PHF24: variants seen among roughly 807,000 people sequenced by gnomAD.
PHF24 encodes the protein Galpha inhibitory interacting protein.
In PHF24, 25 loss-of-function variants were observed where a neutral mutation model predicts 42.6. The ratio of observed to expected loss-of-function variants is 0.59; its 90% confidence interval spans 0.43 to 0.82. PHF24 has a LOEUF of 0.82. Ranked by LOEUF, PHF24 falls within the 40% of genes least tolerant of loss-of-function variation. The probability of loss-of-function intolerance (pLI) is 0.00; values close to 1 mark genes in which losing one functional copy is unlikely to be tolerated. For synonymous variants in PHF24, 185 were observed against 204.8 expected (o/e 0.90, Z 0.83); for missense variants, 470 against 538.1 (o/e 0.87, Z 1.25).
At chr9:34,838,240 A>T in the PHF24 span, 1 of 633,752 alleles carries the variant, frequency 1.6e-6, no homozygotes, top group African/African-American at 1.8e-5. Context: ...AAGGTATGGC[A>T]TAAAAATTGG....
At chr9:34,857,971 G>GT in the PHF24 span, among the ~76,000 whole-genome samples, 131 of 109,780 alleles carry the variant, frequency 1.2e-3, no homozygotes, top group African/African-American at 5.0e-3. Flanking sequence ...TTGTTTCTCT[G>GT]GTTTTTTTTT....
At chr9:34,855,210 G>A in the PHF24 span, among the ~76,000 whole-genome samples, 1 of 152,034 alleles carries the variant, frequency 6.6e-6, no homozygotes, top group Admixed American at 6.6e-5. Flanking sequence ...ATACCAATGG[G>A]GCTTGGCTCT....
the PHF24 span, among the ~76,000 whole-genome samples, chr9:34,691,514 G>A: frequency 1.5e-4 from 23 of 152,218 alleles, no homozygotes; most frequent in African/African-American, 5.3e-4. Flanking sequence ...TTTCTCCAGA[G>A]AGAGGGATTG....
chr9:34,881,161 T>C, the PHF24 span, among the ~76,000 whole-genome samples: 1 of 152,076 alleles, frequency 6.6e-6, no homozygotes, highest in Admixed American at 6.6e-5. Flanking sequence ...TTGAAACCAA[T>C]GAGAACAAAG....
chr9:34,729,992 G>A, the PHF24 span, among the ~76,000 whole-genome samples: 203 of 152,270 alleles, frequency 1.3e-3, 1 homozygote, highest in African/African-American at 4.5e-3. Flanking sequence ...GTGGTAGGGT[G>A]GTAGGGAGAG....
At chr9:34,785,244 G>T in the PHF24 span, among the ~76,000 whole-genome samples, 2 of 152,170 alleles carry the variant, frequency 1.3e-5, no homozygotes, top group African/African-American at 4.8e-5. Flanking sequence ...TCCTCACATA[G>T]GTGAAGGCAG....
the PHF24 span, among the ~76,000 whole-genome samples, chr9:34,708,433 G>A: frequency 1.3e-5 from 2 of 152,168 alleles, no homozygotes; most frequent in South Asian, 4.1e-4. Flanking sequence ...AAGAGGAGAG[G>A]TCAAGGCCCG....
the PHF24 span, among the ~76,000 whole-genome samples, chr9:34,807,935 A>G: frequency 6.6e-6 from 1 of 152,256 alleles, no homozygotes; most frequent in African/African-American, 2.4e-5. Flanking sequence ...CTTAGCCATT[A>G]TTTCAAATCT....
chr9:34,877,570 A>T, the PHF24 span, among the ~76,000 whole-genome samples: 1 of 152,176 alleles, frequency 6.6e-6, no homozygotes, highest in African/African-American at 2.4e-5. Context: ...GTCACACAAC[A>T]TTGTGAATGT....
the PHF24 span, chr9:34,893,038 G>T: frequency 1.1e-6 from 1 of 944,958 alleles, no homozygotes; most frequent in Non-Finnish European, 1.6e-6. Context: ...AGATCTGGTT[G>T]TTCTCACCTG....
At chr9:34,906,500 C>CGCA in the PHF24 span, among the ~76,000 whole-genome samples, 45 of 152,152 alleles carry the variant, frequency 3.0e-4, no homozygotes, top group South Asian at 1.5e-3. Context: ...CATGGTGCTT[C>CGCA]CTTCCTGATG....
At chr9:34,845,429 T>G in the PHF24 span, among the ~76,000 whole-genome samples, 1 of 152,156 alleles carries the variant, frequency 6.6e-6, no homozygotes, top group Non-Finnish European at 1.5e-5. Flanking sequence ...TGTCGTCTGT[T>G]GAGGTTAGAT....
At chr9:34,735,728 A>G in the PHF24 span, among the ~76,000 whole-genome samples, 1 of 151,728 alleles carries the variant, frequency 6.6e-6, no homozygotes, top group African/African-American at 2.4e-5. Context: ...GAATCCGGGT[A>G]GCGGAGGTTG....
the PHF24 span, among the ~76,000 whole-genome samples, chr9:34,893,755 G>C: frequency 6.6e-6 from 1 of 152,172 alleles, no homozygotes; most frequent in African/African-American, 2.4e-5. Context: ...GTTCTCTGTT[G>C]ACCTTGTTGA....
At chr9:34,823,239 G>A in the PHF24 span, among the ~76,000 whole-genome samples, 9,853 of 143,032 alleles carry the variant, frequency 0.069, 454 homozygotes, top group South Asian at 0.12. Context: ...AAGATTGTCC[G>A]AAGAAGCTGG....
At chr9:34,963,496 T>G (rs927125118) in intron 1 of PHF24, among the ~76,000 whole-genome samples, 2 of 152,204 alleles carry the variant, frequency 1.3e-5, no homozygotes, top group Admixed American at 1.3e-4. Flanking sequence ...TTGAAATTTT[T>G]CACTTGTATG....
At chr9:34,782,349 C>T in the PHF24 span, among the ~76,000 whole-genome samples, 23 of 152,124 alleles carry the variant, frequency 1.5e-4, no homozygotes, top group African/African-American at 5.3e-4. Context: ...TTCTGGTAGA[C>T]ACACATCTCT....
At chr9:34,871,276 T>C in the PHF24 span, among the ~76,000 whole-genome samples, 2 of 152,262 alleles carry the variant, frequency 1.3e-5, no homozygotes, top group Admixed American at 6.5e-5. Flanking sequence ...TGCCCATTTT[T>C]AAATTCAGTT....
the PHF24 span, among the ~76,000 whole-genome samples, chr9:34,909,691 G>A: frequency 2.0e-5 from 3 of 150,832 alleles, no homozygotes; most frequent in East Asian, 2.0e-4. Context: ...GCGCGATCTC[G>A]GCTCACTGCA....
Sources: allele counts gnomAD v4.1 joint callset (sites outside exome capture counted in the v4.1 genomes callset), GRCh38; gene constraint gnomAD v4.1.1; transcripts MANE v1.5; gene names NCBI Gene and HGNC (gene_info 2026-07-23, HGNC 2026-07-21).